Variants in GRID2 observed in about 807,000 individuals in gnomAD.
GRID2 encodes glutamate receptor ionotropic, delta-2.
GRID2 carries 33 observed loss-of-function variants against 114.8 expected under a neutral mutation model. The ratio of observed to expected loss-of-function variants is 0.29; its 90% CI spans 0.22 to 0.38. The LOEUF is 0.38. Ranked by LOEUF, GRID2 falls within the 10% of genes least tolerant of loss-of-function variation. GRID2 has a pLI of 1.00. For missense variants in GRID2, 1,184 were observed against 1,257.7 expected, an observed-to-expected ratio of 0.94 and a Z score of 0.89; for synonymous variants, 505 against 449.9, an observed-to-expected ratio of 1.12 and a Z score of -1.55.
rs115098758 is a variant in GRID2, at chr4:92,650,102, A to G, written c.244+59816A>G. On this transcript the variant is annotated intron_variant, in intron 2 of 15. Transcript: ENST00000282020. ...ATGAGGTCAATATCTATTACATTTC[A>G]TAATATAGGAGAGGGGAAAAACAAT... Among the ~76,000 whole-genome samples the G allele has an allele frequency of 5.1e-3, 771 of 152,152 alleles. 8 individuals are homozygous for G. The highest frequency in any genetic ancestry group is 0.017 in the African/African-American group (727 of 41,550).
intron 1 of GRID2, among the ~76,000 whole-genome samples, chr4:92,467,050 G>A (rs752943235): frequency 2.6e-5 from 4 of 151,652 alleles, no homozygotes; most frequent in African/African-American, 9.6e-5. Flanking sequence ...TACTATTAGA[G>A]AACATTTTAA....
chr4:93,591,289 C>T (rs1319776204), intron 13 of GRID2, among the ~76,000 whole-genome samples: 1 of 151,736 alleles, frequency 6.6e-6, no homozygotes, highest in Non-Finnish European at 1.5e-5. Flanking sequence ...TTGTCAAAGG[C>T]CTTTTCTGCA....
intron 1 of GRID2, among the ~76,000 whole-genome samples, chr4:92,460,153 CAAAT>C (rs954907115): frequency 6.7e-6 from 1 of 148,192 alleles, no homozygotes; most frequent in Non-Finnish European, 1.5e-5. Context: ...TTTGAACAAA[CAAAT>C]AAACAAAAAT....
chr4:93,646,390 G>A (rs1272454875), intron 14 of GRID2, among the ~76,000 whole-genome samples: 1 of 152,088 alleles, frequency 6.6e-6, no homozygotes, highest in African/African-American at 2.4e-5. Context: ...GGAACCAGCT[G>A]GGAGTGTTTA....
intron 11 of GRID2, among the ~76,000 whole-genome samples, chr4:93,474,881 A>G (rs557552850): frequency 6.6e-6 from 1 of 152,272 alleles, no homozygotes; most frequent in East Asian, 1.9e-4. Context: ...AACACTTAAA[A>G]CAATGCATAA....
intron 1 of GRID2, among the ~76,000 whole-genome samples, chr4:92,478,830 G>T (rs1284292154): frequency 6.6e-6 from 1 of 151,796 alleles, no homozygotes; most frequent in Non-Finnish European, 1.5e-5. Context: ...TCAATTTTCT[G>T]TCCACATCTC....
chr4:92,646,275 T>A (rs1731617971), intron 2 of GRID2, among the ~76,000 whole-genome samples: 1 of 152,206 alleles, frequency 6.6e-6, no homozygotes. Context: ...GCCCAATTTT[T>A]AAAAATTGAG....
At chr4:92,357,863 A>G (rs1343408260) in intron 1 of GRID2, among the ~76,000 whole-genome samples, 1 of 151,944 alleles carries the variant, frequency 6.6e-6, no homozygotes, top group Non-Finnish European at 1.5e-5. Context: ...CTGGACCTCT[A>G]TTAAGACAGG....
chr4:92,912,897 C>T (rs1029076316), intron 2 of GRID2, among the ~76,000 whole-genome samples: 2 of 151,784 alleles, frequency 1.3e-5, no homozygotes, highest in African/African-American at 4.8e-5. Flanking sequence ...TTACCCATGA[C>T]ATCAATAAAT....
chr4:93,806,218 T>G (rs1735026380), intron 1 of GRID2, among the ~76,000 whole-genome samples: 1 of 152,254 alleles, frequency 6.6e-6, no homozygotes. Context: ...TATTAATTGT[T>G]AGTGTTTTTA....
chr4:93,305,778 C>A (rs1755354593), intron 8 of GRID2, among the ~76,000 whole-genome samples: 1 of 152,124 alleles, frequency 6.6e-6, no homozygotes, highest in South Asian at 2.1e-4. Context: ...GTGTATCAGG[C>A]CTTTATTGCC....
chr4:93,286,921 ATAT>A (rs1202660657), intron 8 of GRID2, among the ~76,000 whole-genome samples: 1 of 152,114 alleles, frequency 6.6e-6, no homozygotes, highest in Non-Finnish European at 1.5e-5. Context: ...AATTAGAATA[ATAT>A]TATACAATCA....
chr4:92,968,433 A>C (rs1753292777), intron 2 of GRID2, among the ~76,000 whole-genome samples: 1 of 151,878 alleles, frequency 6.6e-6, no homozygotes, highest in African/African-American at 2.4e-5. Context: ...TTGAACCTCA[A>C]AGCCAAGCTA....
At chr4:93,585,846 TGAA>T (rs1737488358) in intron 13 of GRID2, among the ~76,000 whole-genome samples, 1 of 152,132 alleles carries the variant, frequency 6.6e-6, no homozygotes, top group Non-Finnish European at 1.5e-5. Context: ...ATGAACTTTT[TGAA>T]GACTCTCTTG....
chr4:93,672,982 G>A (rs1451020234), intron 14 of GRID2, among the ~76,000 whole-genome samples: 1 of 152,126 alleles, frequency 6.6e-6, no homozygotes, highest in Non-Finnish European at 1.5e-5. Context: ...ATGATTTTGT[G>A]TAATATCTTT....
chr4:92,490,303 G>A (rs1723090318), intron 1 of GRID2, among the ~76,000 whole-genome samples: 1 of 152,120 alleles, frequency 6.6e-6, no homozygotes, highest in Admixed American at 6.5e-5. Flanking sequence ...CACAGAAATA[G>A]AGTTAGAAGA....
chr4:93,697,863 A>ATGTG (rs373336727), intron 14 of GRID2, among the ~76,000 whole-genome samples: 1 of 138,128 alleles, frequency 7.2e-6, no homozygotes, highest in Admixed American at 7.1e-5. Flanking sequence ...TCATTCCACA[A>ATGTG]TGTGTGTATA....
chr4:92,439,975 A>C (rs1025267743), intron 1 of GRID2, among the ~76,000 whole-genome samples: 8 of 145,662 alleles, frequency 5.5e-5, no homozygotes, highest in East Asian at 2.0e-4. Flanking sequence ...AGGGATGACA[A>C]GTTTTTTGGG....
chr4:93,311,381 G>C (rs1426364874), intron 8 of GRID2, among the ~76,000 whole-genome samples: 1 of 152,146 alleles, frequency 6.6e-6, no homozygotes, highest in Non-Finnish European at 1.5e-5. Context: ...GTGTCAACTT[G>C]CTTAGGTCAG....
Sources: allele counts gnomAD v4.1 joint callset (sites outside exome capture counted in the v4.1 genomes callset), GRCh38; gene constraint gnomAD v4.1.1; transcripts MANE v1.5; gene names NCBI Gene and HGNC (gene_info 2026-07-23, HGNC 2026-07-21).